Variants in NUP210 observed in about 807,000 individuals in gnomAD.
NUP210 encodes the protein nucleoporin 210.
A neutral mutation model predicts 196.0 loss-of-function variants in NUP210; 151 were observed. That is an observed-to-expected ratio of 0.77 (90% CI 0.67 to 0.88). The LOEUF (loss-of-function observed/expected upper bound fraction) is 0.88. NUP210 is among the 40% of genes least tolerant of loss of function. The pLI is 0.00. For synonymous variants in NUP210, 1,070 were observed against 1,052.7 expected (o/e 1.02, Z -0.32); for missense variants, 2,314 against 2,493.7 (o/e 0.93, Z 1.53).
intron 10 of NUP210, among the ~76,000 whole-genome samples, chr3:13,375,887 T>TA (rs1553602355): frequency 3.3e-5 from 5 of 151,828 alleles, no homozygotes. Flanking sequence ...GGATGTGGTG[T>TA]CCCCCCCAAC....
chr3:13,388,324 G>A lies in NUP210; in HGVS notation c.663C>T (p.Arg221=). 6.2e-7 allele frequency: 1 copy of A among 1,610,002 alleles called. No individual in the cohort carries two copies. Among genetic ancestry groups the A allele is most frequent in the Non-Finnish European group, 8.5e-7 (1 of 1,178,404 alleles). ...CCACCTTGTAGACAGCCTCCTGGAT[G>A]CGAGCCTTGAGCTTGGAGCTCCCGG... ...MKTGSSKLKA[R]IQEAVYKNVR... Residue 221 remains arginine, a synonymous_variant, in exon 5 of 40, where the codon CGC becomes CGT. Transcript: ENST00000254508.
At chr3:13,374,839 A>C (rs1698845959) in intron 11 of NUP210, among the ~76,000 whole-genome samples, 1 of 152,222 alleles carries the variant, frequency 6.6e-6, no homozygotes. Context: ...AGCCGGTGCC[A>C]GTGCACAGAC....
At chr3:13,343,758 T>A (rs1328916363) in intron 20 of NUP210, among the ~76,000 whole-genome samples, 1 of 152,164 alleles carries the variant, frequency 6.6e-6, no homozygotes, top group African/African-American at 2.4e-5. Flanking sequence ...AAGCACCCCA[T>A]GGGGTCTTCT....
At chr3:13,395,015 T>C (rs545091213) in intron 3 of NUP210, among the ~76,000 whole-genome samples, 1 of 152,290 alleles carries the variant, frequency 6.6e-6, no homozygotes, top group African/African-American at 2.4e-5. Flanking sequence ...AGGTGGGGCC[T>C]TGACATGGGC....
Position 13,379,304 on chromosome 3 carries a change from G to A in NUP210, c.976+259C>T, listed in dbSNP as rs1699025474. Among the ~76,000 whole-genome samples, 1 of 152,134 alleles carries A rather than the reference G, an allele frequency of 6.6e-6. No homozygotes were observed. The highest frequency in any genetic ancestry group is 6.5e-5 in the Admixed American group (1 of 15,280). On this transcript the variant is annotated intron_variant, in intron 7 of 39. Transcript: ENST00000254508. This position sits in a 1 kb window ranked among gnomAD's most constrained non-coding sequence, Gnocchi z 4.2. ...CAGGCCCCCTCTGAGAAGGCTGCAG[G>A]TACTGGAGAAGTTTCTGGAGACGAG...
chr3:13,368,748 A>T (rs933538632), intron 13 of NUP210, among the ~76,000 whole-genome samples: 7 of 152,196 alleles, frequency 4.6e-5, no homozygotes, highest in African/African-American at 1.7e-4. Context: ...ATGTTGCAGC[A>T]TGGGTCGGAA....
Position 13,341,858 on chromosome 3 carries a change from A to C in NUP210, c.3118T>G (p.Tyr1040Asp). The part of the protein sequence containing the change: ...LVALDEALDN[Y>D]TITFLIRGVA... ...CCGCGGATGAGGAATGTGATGGTGTAGTTGTCAAGGGCTTCATCAAGGGCC... is the reference window on the plus strand; with the variant it reads ...CCGCGGATGAGGAATGTGATGGTGTCGTTGTCAAGGGCTTCATCAAGGGCC... The change falls in exon 23 of 40, where the codon TAC becomes GAC. Residue 1040 changes from tyrosine (Y) to aspartate (D), a missense_variant. Transcript: ENST00000254508. 6.2e-7 allele frequency: 1 copy of C among 1,614,220 alleles called. No homozygotes were observed. The highest frequency in any genetic ancestry group is 8.5e-7 in the Non-Finnish European group (1 of 1,180,038).
intron 3 of NUP210, among the ~76,000 whole-genome samples, chr3:13,396,629 A>G (rs973174536): frequency 1.3e-5 from 2 of 151,536 alleles, no homozygotes; most frequent in African/African-American, 4.8e-5. Context: ...GCTTGGTGGC[A>G]GGCACCTCTA....
chr3:13,418,529 CTCCTTGGTCTTG>C (rs56702000), intron 1 of NUP210, among the ~76,000 whole-genome samples: 33,588 of 151,930 alleles, frequency 0.22, 5,826 homozygotes, highest in African/African-American at 0.49. Context: ...TTGAGGAGTT[CTCCTTGGTCTTG>C]AGGAGTTCAA....
chr3:13,341,014 T>C (rs1022858157), intron 23 of NUP210: 8 of 152,202 alleles, frequency 5.3e-5, no homozygotes, highest in African/African-American at 1.9e-4. Context: ...TGCACCTCCA[T>C]CTAGAGACAC....
At chr3:13,370,938 CTG>C (rs1698710482) in intron 13 of NUP210, among the ~76,000 whole-genome samples, 1 of 152,252 alleles carries the variant, frequency 6.6e-6, no homozygotes, top group South Asian at 2.1e-4. Flanking sequence ...CCAAAACACG[CTG>C]TGATTCAACG....
At chr3:13,417,836 TG>T (rs747575019) in intron 1 of NUP210, among the ~76,000 whole-genome samples, 118 of 152,292 alleles carry the variant, frequency 7.7e-4, no homozygotes, top group Non-Finnish European at 1.5e-3. Context: ...AGATTAAGAA[TG>T]TTTTTTCCCT....
chr3:13,351,735 T>A, intron 20 of NUP210, 144 bp downstream of exon 20: 1 of 620,872 alleles, frequency 1.6e-6, no homozygotes, highest in Middle Eastern at 2.5e-4. Flanking sequence ...TGGGCTCAAG[T>A]GATCTTCCTG....
intron 36 of NUP210, among the ~76,000 whole-genome samples, chr3:13,320,765 A>T (rs1387999320): frequency 2.0e-5 from 3 of 146,494 alleles, no homozygotes; most frequent in African/African-American, 7.6e-5. Context: ...GGTGGCAGGC[A>T]CCTATAGTCC....
intron 33 of NUP210, 144 bp downstream of exon 33, chr3:13,325,650 TG>T: frequency 1.2e-6 from 1 of 856,116 alleles, no homozygotes; most frequent in Non-Finnish European, 1.8e-6. Flanking sequence ...AGTCAGCAAG[TG>T]GCCAGTCCCA....
rs1331378158 is a variant in NUP210 at position 13,337,092 on chromosome 3, G to T, written c.3553-174C>A. On this transcript the variant is annotated intron_variant, in intron 26 of 39. Transcript: ENST00000254508. ...GAAATATCAAACGAGCAAACCAGAG[G>T]TGGGACTGTTTTCCCCATACTGTCC... 1.5e-5 allele frequency: 10 copies of T among 688,528 alleles called. No individual in the cohort carries two copies. In the Admixed American group the frequency reaches 1.8e-4, roughly 12 times the overall value. The allele number at this position is 688,528 out of a possible 1,614,324, so 42.7% of individuals were successfully genotyped here.
At chr3:13,356,677 TG>T (rs1698182368) in intron 16 of NUP210, among the ~76,000 whole-genome samples, 1 of 152,278 alleles carries the variant, frequency 6.6e-6, no homozygotes, top group South Asian at 2.1e-4. Flanking sequence ...CTAATGAGGC[TG>T]TAAATTGCCA....
At chr3:13,390,396 G>A (rs1272932367) in intron 4 of NUP210, among the ~76,000 whole-genome samples, 1 of 152,180 alleles carries the variant, frequency 6.6e-6, no homozygotes, top group Non-Finnish European at 1.5e-5. Flanking sequence ...CAGGAGGAAG[G>A]CGGCACAGTC....
At chr3:13,409,810 C>G (rs1050358747) in intron 1 of NUP210, among the ~76,000 whole-genome samples, 3 of 150,400 alleles carry the variant, frequency 2.0e-5, no homozygotes, top group Non-Finnish European at 4.4e-5. Flanking sequence ...CCTGAATCAG[C>G]CCCCACCTCC....
Sources: gnomAD v4.1 joint callset for allele counts (sites outside exome capture counted in the v4.1 genomes callset) on GRCh38, gnomAD v4.1.1 for gene constraint, Gnocchi (gnomAD v3.1) non-coding constraint, MANE v1.5 for transcripts, NCBI Gene and HGNC (gene_info 2026-07-23, HGNC 2026-07-21) for gene names.